FILIP1: variants seen among roughly 807,000 people sequenced by gnomAD.
The protein encoded by FILIP1 is filamin-A-interacting protein 1.
In FILIP1, 61 loss-of-function variants were observed where a neutral mutation model predicts 102.1. The observed-to-expected ratio is 0.60, with a 90% CI of 0.49 to 0.74. The LOEUF (loss-of-function observed/expected upper bound fraction) is 0.74. FILIP1 is among the 30% of genes least tolerant of loss of function. FILIP1 has a pLI of 0.00. For synonymous variants in FILIP1, 491 were observed against 526.9 expected, an observed-to-expected ratio of 0.93 and a Z score of 0.93; for missense variants, 1,314 against 1,441.2, an observed-to-expected ratio of 0.91 and a Z score of 1.43.
At chr6:75,324,816 G>T (rs186156841) in intron 4 of FILIP1, among the ~76,000 whole-genome samples, 5 of 152,198 alleles carry the variant, frequency 3.3e-5, no homozygotes, top group African/African-American at 1.2e-4. Flanking sequence ...TCAACAAGGC[G>T]AACAAAAGCA....
intron 3 of FILIP1, chr6:75,361,735 A>C (rs1172442429): frequency 6.6e-6 from 1 of 152,246 alleles, no homozygotes; most frequent in African/African-American, 2.4e-5. Flanking sequence ...TGAGGCTTAA[A>C]GAGCTTACAT....
intron 4 of FILIP1, among the ~76,000 whole-genome samples, chr6:75,343,931 T>C (rs55862072): frequency 0.026 from 3,884 of 152,250 alleles, 180 homozygotes; most frequent in African/African-American, 0.088. Context: ...AGAAAGAATA[T>C]GCCAAAAAGT....
intron 2 of FILIP1, among the ~76,000 whole-genome samples, chr6:75,397,488 A>ATG (rs902894795): frequency 5.6e-5 from 4 of 71,396 alleles, no homozygotes; most frequent in African/African-American, 1.2e-4. Flanking sequence ...TTAAATATAT[A>ATG]TGTGTATATA....
chr6:75,335,496 C>CCCTT (rs5877448), intron 4 of FILIP1, among the ~76,000 whole-genome samples: 101,763 of 150,632 alleles, frequency 0.68, 34,526 homozygotes, highest in Middle Eastern at 0.75. Context: ...GTTTCTTCCT[C>CCCTT]CCTTCCTTCC....
intron 4 of FILIP1, among the ~76,000 whole-genome samples, chr6:75,342,562 C>G (rs1382043264): frequency 6.6e-6 from 1 of 152,228 alleles, no homozygotes; most frequent in Non-Finnish European, 1.5e-5. Context: ...AGACTTCAGT[C>G]AAGTCAGGAT....
chr6:75,439,168 C>T lies in FILIP1; in HGVS notation c.-6-24190G>A, dbSNP rs375459635. Among the ~76,000 whole-genome samples the T allele has an allele frequency of 2.8e-4, 42 of 152,256 alleles. 1 individual carries two copies. The highest frequency in any genetic ancestry group is 1.6e-3 in the Admixed American group (24 of 15,296). On this transcript the variant is annotated intron_variant, in intron 1 of 5. Coordinates refer to ENST00000237172, the MANE Select transcript of FILIP1 (RefSeq NM_015687.5). ...ACTAAAAGTTGTGAGAAAAGGAGAC[C>T]ATCCTGGCTAACACGGTGAAACCCC...
At chr6:75,411,376 A>T (rs1290667472) in intron 2 of FILIP1, among the ~76,000 whole-genome samples, 3 of 152,162 alleles carry the variant, frequency 2.0e-5, no homozygotes, top group Non-Finnish European at 2.9e-5. Flanking sequence ...TTGCCTGTTC[A>T]TGCTGATGAT....
rs192330134 is a variant in FILIP1, at chr6:75,434,986, A to C, written c.-6-20008T>G. On this transcript the variant is annotated intron_variant, in intron 1 of 5. Transcript: ENST00000237172. ...TCATTCTGTTTATATGATGGATTAC[A>C]TTTATTGATCTGTGTATGTTGAACC... Among the ~76,000 whole-genome samples, 5 of 152,340 alleles carry C rather than the reference A, an allele frequency of 3.3e-5. No individual in the cohort carries two copies. In the East Asian group the frequency reaches 9.6e-4, roughly 29 times the overall value.
intron 1 of FILIP1, among the ~76,000 whole-genome samples, chr6:75,485,456 TTC>T (rs1779755967): frequency 6.6e-6 from 1 of 152,184 alleles, no homozygotes; most frequent in South Asian, 2.1e-4. Context: ...TAGAGATTTA[TTC>T]TGTTATATTC....
chr6:75,311,339 C>T (rs1773176443), intron 5 of FILIP1, among the ~76,000 whole-genome samples: 1 of 134,884 alleles, frequency 7.4e-6, no homozygotes, highest in Admixed American at 7.7e-5. Flanking sequence ...TGCACCACTA[C>T]ACCCAGCTAC....
chr6:75,310,182 C>T (rs371146084), intron 5 of FILIP1, among the ~76,000 whole-genome samples: 36 of 152,378 alleles, frequency 2.4e-4, no homozygotes, highest in Middle Eastern at 3.4e-3. Context: ...GTCGTGCCTT[C>T]GCACATGCTG....
chr6:75,339,053 C>T (rs1774336047), intron 4 of FILIP1, among the ~76,000 whole-genome samples: 1 of 152,190 alleles, frequency 6.6e-6, no homozygotes. Context: ...TTGATCATTA[C>T]AGTTGCCTGG....
Position 75,362,884 on chromosome 6 carries a change from C to T in FILIP1, c.310G>A (p.Glu104Lys). The T allele has an allele frequency of 6.2e-7, 1 of 1,614,000 alleles. No individual in the cohort carries two copies. The highest frequency in any genetic ancestry group is 8.5e-7 in the Non-Finnish European group (1 of 1,180,020). ...REDVIHMLKT[E>K]KTKPEVLEAH... ...TCCAGAACCTCAGGCTTGGTTTTCTCTGTCTTCAGCATGTGGATCACATCT... is the reference window on the plus strand; with the variant it reads ...TCCAGAACCTCAGGCTTGGTTTTCTTTGTCTTCAGCATGTGGATCACATCT... The change falls in exon 3 of 6, where the codon GAG becomes AAG. Residue 104 changes from glutamate (E) to lysine (K), a missense_variant. Transcript: ENST00000237172.
At chr6:75,375,605 T>G (rs1338615589) in intron 2 of FILIP1, among the ~76,000 whole-genome samples, 1 of 152,216 alleles carries the variant, frequency 6.6e-6, no homozygotes, top group East Asian at 1.9e-4. Context: ...AGGGAAAAGA[T>G]AGCTTTATAA....
chr6:75,395,492 G>A (rs1389199818), intron 2 of FILIP1, among the ~76,000 whole-genome samples: 1 of 152,048 alleles, frequency 6.6e-6, no homozygotes, highest in African/African-American at 2.4e-5. Context: ...CAGCCAGGCT[G>A]GTCTCAAACT....
At chr6:75,309,336 G>A (rs543718444) in intron 5 of FILIP1, among the ~76,000 whole-genome samples, 6 of 152,070 alleles carry the variant, frequency 3.9e-5, no homozygotes, top group East Asian at 3.9e-4. Flanking sequence ...TGTTATTGTC[G>A]CTGCTGACCA....
chr6:75,400,454 A>C (rs911480792), intron 2 of FILIP1, among the ~76,000 whole-genome samples: 1 of 152,182 alleles, frequency 6.6e-6, no homozygotes, highest in African/African-American at 2.4e-5. Flanking sequence ...GTCAATTTAG[A>C]AAAAGATGGA....
chr6:75,311,476 C>CTAGT (rs780256079), intron 5 of FILIP1, among the ~76,000 whole-genome samples: 1 of 150,094 alleles, frequency 6.7e-6, no homozygotes, highest in Non-Finnish European at 1.5e-5. Flanking sequence ...AGCCTTCCAG[C>CTAGT]TAGTTTGTTT....
At chr6:75,469,685 C>T (rs139216951) in intron 1 of FILIP1, among the ~76,000 whole-genome samples, 1 of 152,100 alleles carries the variant, frequency 6.6e-6, no homozygotes, top group African/African-American at 2.4e-5. Flanking sequence ...AATTTAAATC[C>T]AGCAATTAAT....
Sources: allele counts gnomAD v4.1 joint callset (sites outside exome capture counted in the v4.1 genomes callset), GRCh38; gene constraint gnomAD v4.1.1; transcripts MANE v1.5; gene names NCBI Gene and HGNC (gene_info 2026-07-23, HGNC 2026-07-21).